Variants in DNAH7 observed in about 807,000 individuals in gnomAD.
The protein encoded by DNAH7 is axonemal beta dynein heavy chain 7.
Under a neutral mutation model 444.6 loss-of-function variants are expected in DNAH7, and 397 were observed. The observed-to-expected ratio is 0.89, with a 90% CI of 0.82 to 0.97. The LOEUF (loss-of-function observed/expected upper bound fraction) is 0.97, where lower values mean the gene tolerates loss of function less well. Among genes scored for constraint, DNAH7 ranks in the 50% least tolerant of loss-of-function variants. DNAH7 has a pLI of 0.00. For synonymous variants in DNAH7, 1,636 were observed against 1,624.4 expected, an observed-to-expected ratio of 1.01 and a Z score of -0.17; for missense variants, 4,902 against 4,800.8, an observed-to-expected ratio of 1.02 and a Z score of -0.62.
intron 19 of DNAH7, among the ~76,000 whole-genome samples, chr2:195,952,638 T>C (rs1690344476): frequency 2.0e-5 from 3 of 152,326 alleles, no homozygotes; most frequent in African/African-American, 7.2e-5. Context: ...CTTTTCATTC[T>C]TTTTCTCTCT....
chr2:196,038,495 T>A (rs1029432399), intron 5 of DNAH7, among the ~76,000 whole-genome samples: 7 of 152,118 alleles, frequency 4.6e-5, no homozygotes, highest in African/African-American at 1.4e-4. Flanking sequence ...AATAACAACC[T>A]TTAATATATA....
chr2:195,779,340 TGAAAAG>T (rs1310409673), intron 58 of DNAH7, among the ~76,000 whole-genome samples: 1 of 152,220 alleles, frequency 6.6e-6, no homozygotes, highest in African/African-American at 2.4e-5. Flanking sequence ...TCTAGATTCC[TGAAAAG>T]GAAATTACTA....
chr2:195,963,902 T>A (rs181373374), intron 17 of DNAH7, among the ~76,000 whole-genome samples: 1 of 152,326 alleles, frequency 6.6e-6, no homozygotes, highest in Non-Finnish European at 1.5e-5. Context: ...CACTTTTCTC[T>A]AAAATGAATT....
At chr2:195,953,358 G>A (rs1690401968) in intron 19 of DNAH7, among the ~76,000 whole-genome samples, 1 of 152,202 alleles carries the variant, frequency 6.6e-6, no homozygotes, top group South Asian at 2.1e-4. Context: ...TCTCCTGTAT[G>A]AGGTGTCTGT....
At chr2:195,827,871 C>T (rs1042748371) in intron 48 of DNAH7, among the ~76,000 whole-genome samples, 4 of 152,112 alleles carry the variant, frequency 2.6e-5, no homozygotes, top group Non-Finnish European at 5.9e-5. Context: ...GCCACTGTAC[C>T]CGACCTTCCA....
intron 15 of DNAH7, among the ~76,000 whole-genome samples, chr2:195,977,542 T>C (rs772812388): frequency 6.6e-6 from 1 of 152,010 alleles, no homozygotes; most frequent in Non-Finnish European, 1.5e-5. Flanking sequence ...GTTATTGGCC[T>C]TAAAGAAGAG....
Position 195,787,093 on chromosome 2 carries a change from C to G in DNAH7, c.10795G>C (p.Gly3599Arg). Reference sequence around the variant, plus strand: ...TTGAACTCATAAGGAATATTCCACCCTAGGGGTCCAAATTTCCGTCTTTCT... The same window carrying G: ...TTGAACTCATAAGGAATATTCCACCGTAGGGGTCCAAATTTCCGTCTTTCT... ...VQERRKFGPL[G>R]WNIPYEFNET... is the part of the protein sequence containing the mutation. The change falls in exon 58 of 65, where the codon GGG becomes CGG. Residue 3599 changes from glycine to arginine, a missense_variant. Transcript: ENST00000312428. The G allele has an allele frequency of 6.2e-7, 1 of 1,612,554 alleles. No homozygotes were observed. The highest frequency in any genetic ancestry group is 8.5e-7 in the Non-Finnish European group (1 of 1,179,602).
rs370190686 is a variant in DNAH7 at position 195,992,759 on chromosome 2, T to C, written c.1354-4530A>G. 3.9e-5 allele frequency among the ~76,000 whole-genome samples: 6 copies of C among 152,320 alleles called. No individual in the cohort carries two copies. In the East Asian group the frequency reaches 1.2e-3, roughly 29 times the overall value. ...TTGCCTCCTGCCAATGGGAAAGCTATTCTTCAACGTAACTGGTAGGATTTG... is the reference window on the plus strand; with the variant it reads ...TTGCCTCCTGCCAATGGGAAAGCTACTCTTCAACGTAACTGGTAGGATTTG... On this transcript the variant is annotated intron_variant, in intron 12 of 64. Transcript: ENST00000312428.
intron 36 of DNAH7, among the ~76,000 whole-genome samples, chr2:195,879,808 A>C (rs1701274700): frequency 6.6e-6 from 1 of 152,176 alleles, no homozygotes; most frequent in Non-Finnish European, 1.5e-5. Context: ...AATGAGAAAT[A>C]GCTATAATGA....
chr2:195,828,889 G>A (rs1224325473), intron 48 of DNAH7, among the ~76,000 whole-genome samples: 1 of 151,992 alleles, frequency 6.6e-6, no homozygotes, highest in Non-Finnish European at 1.5e-5. Context: ...TCATTCCAGA[G>A]CTTATTCCAG....
At chr2:196,058,532 CAATTGTATTTAATAT>C (rs1399482179) in intron 1 of DNAH7, among the ~76,000 whole-genome samples, 2 of 152,068 alleles carry the variant, frequency 1.3e-5, no homozygotes, top group Non-Finnish European at 2.9e-5. Flanking sequence ...TTCTAAAAAT[CAATTGTATTTAATAT>C]AATTGTATTT....
At chr2:195,906,855 C>A in intron 26 of DNAH7, 52 bp downstream of exon 26, 1 of 1,605,588 alleles carries the variant, frequency 6.2e-7, no homozygotes, top group South Asian at 1.1e-5. Flanking sequence ...CATTCACTAC[C>A]TCTCATATTT....
At chr2:195,814,173 G>C (rs761784272) in intron 51 of DNAH7, among the ~76,000 whole-genome samples, 1 of 152,146 alleles carries the variant, frequency 6.6e-6, no homozygotes. Flanking sequence ...TCTGATTTCT[G>C]CACGTTTCTT....
chr2:195,761,584 A>G (rs997169398), intron 61 of DNAH7, among the ~76,000 whole-genome samples: 1 of 152,218 alleles, frequency 6.6e-6, no homozygotes, highest in Non-Finnish European at 1.5e-5. Flanking sequence ...TCCTAAAAAC[A>G]GTAAGATAAA....
chr2:195,851,186 A>G (rs1699339688), intron 46 of DNAH7, among the ~76,000 whole-genome samples: 1 of 152,172 alleles, frequency 6.6e-6, no homozygotes, highest in Non-Finnish European at 1.5e-5. Context: ...GACAGTTTTG[A>G]TGGGAAATAA....
Position 195,960,900 on chromosome 2 carries a change from A to T in DNAH7, c.2251T>A (p.Ser751Thr), listed in dbSNP as rs780111164. 3 of 1,609,648 alleles carry T rather than the reference A, an allele frequency of 1.9e-6. No homozygotes were observed. The highest frequency in any genetic ancestry group is 2.5e-6 in the Non-Finnish European group (3 of 1,176,936). The change falls in exon 18 of 65, where the codon TCT (serine) becomes ACT (threonine). Residue 751 changes from serine to threonine, a missense_variant. Physicochemically the swap from Ser to Thr is moderately conservative, Grantham distance 58. Coordinates refer to ENST00000312428, the MANE Select transcript of DNAH7 (RefSeq NM_018897.3). ...AEEEAFGWLP[S>T]VYPQRKKIQD... is the part of the protein sequence containing the mutation. ...ATTTTTTTACGTTGAGGATATACAG[A>T]TGGTAGCCAACCAAATGCTTCCTCT...
chr2:195,950,769 G>A (rs1574859791), intron 19 of DNAH7, among the ~76,000 whole-genome samples: 2 of 139,806 alleles, frequency 1.4e-5, no homozygotes, highest in African/African-American at 2.6e-5. Flanking sequence ...GGAGAATGGC[G>A]TGAACCCAGG....
intron 61 of DNAH7, among the ~76,000 whole-genome samples, chr2:195,758,872 C>T (rs1004373975): frequency 1.1e-4 from 16 of 152,230 alleles, no homozygotes; most frequent in African/African-American, 3.9e-4. Context: ...AAGCACACAT[C>T]CCAGCAGTTG....
chr2:195,771,733 T>C lies in DNAH7; in HGVS notation c.11360A>G (p.Gln3787Arg). 1 of 1,614,198 alleles carries C rather than the reference T, an allele frequency of 6.2e-7. No homozygotes were observed. The change falls in exon 61 of 65, where the codon CAA becomes CGA. Residue 3787 changes from glutamine (Q) to arginine (R), a missense_variant. Transcript: ENST00000312428. Reference sequence around the variant, plus strand: ...TAACTTATTGAACCGTCCCATCTCTTGGACAAGTACAGTGTTCATGCTCTG... The same window carrying C: ...TAACTTATTGAACCGTCCCATCTCTCGGACAAGTACAGTGTTCATGCTCTG... The part of the protein sequence containing the change: ...YTQSMNTVLV[Q>R]EMGRFNKLLK...
Sources: gnomAD v4.1 joint callset for allele counts (sites outside exome capture counted in the v4.1 genomes callset) on GRCh38, gnomAD v4.1.1 for gene constraint, MANE v1.5 for transcripts, NCBI Gene and HGNC (gene_info 2026-07-23, HGNC 2026-07-21) for gene names.